ADAMTS5: variants seen among roughly 807,000 people sequenced by gnomAD.
ADAMTS5 encodes the protein A disintegrin and metalloproteinase with thrombospondin motifs 5.
ADAMTS5 carries 54 observed loss-of-function variants against 81.4 expected under a neutral mutation model. The observed-to-expected ratio is 0.66, with a 90% CI of 0.53 to 0.83. The LOEUF (loss-of-function observed/expected upper bound fraction) is 0.83, where lower values mean the gene tolerates loss of function less well. ADAMTS5 is among the 40% of genes least tolerant of loss of function. The pLI is 0.00. For synonymous variants in ADAMTS5, 532 were observed against 508.8 expected (o/e 1.05, Z -0.61); for missense variants, 1,194 against 1,229.9 (o/e 0.97, Z 0.44).
chr21:26,946,373 C>T (rs145223659), intron 2 of ADAMTS5, among the ~76,000 whole-genome samples: 15 of 152,184 alleles, frequency 9.9e-5, no homozygotes, highest in African/African-American at 2.6e-4. Context: ...GGAGTGCTCA[C>T]GGTAAAGACG....
At chr21:26,932,835 G>A (rs1030926542) in intron 5 of ADAMTS5, 26 bp downstream of exon 5, 2 of 1,582,250 alleles carry the variant, frequency 1.3e-6, no homozygotes, top group African/African-American at 2.7e-5. Flanking sequence ...GCATATGATG[G>A]TTGCTGACAC....
At chr21:26,929,121 C>T (rs1986859961) in intron 7 of ADAMTS5, among the ~76,000 whole-genome samples, 2 of 151,922 alleles carry the variant, frequency 1.3e-5, no homozygotes, top group South Asian at 4.2e-4. Context: ...TTAATAAATC[C>T]TATTGTTAAT....
At chr21:26,949,863 C>T (rs1601013438) in intron 2 of ADAMTS5, among the ~76,000 whole-genome samples, 1 of 152,198 alleles carries the variant, frequency 6.6e-6, no homozygotes, top group African/African-American at 2.4e-5. Context: ...TTACATCTTA[C>T]AACAAGCCTG....
chr21:26,944,782 T>C (rs1006480706), intron 2 of ADAMTS5, among the ~76,000 whole-genome samples: 1 of 152,134 alleles, frequency 6.6e-6, no homozygotes, highest in East Asian at 1.9e-4. Context: ...AGATGAAATC[T>C]TTCACTTTAT....
intron 7 of ADAMTS5, among the ~76,000 whole-genome samples, chr21:26,925,412 C>T (rs769536826): frequency 7.9e-5 from 12 of 151,886 alleles, no homozygotes; most frequent in African/African-American, 1.2e-4. Context: ...CCATAAGATA[C>T]GATAGATTGA....
chr21:26,961,160 A>G (rs374490011), intron 1 of ADAMTS5, among the ~76,000 whole-genome samples: 20 of 152,358 alleles, frequency 1.3e-4, no homozygotes, highest in African/African-American at 4.3e-4. Context: ...TCTGTCTGCC[A>G]TTTGTTAGCT....
intron 1 of ADAMTS5, among the ~76,000 whole-genome samples, chr21:26,956,220 G>A (rs1275070865): frequency 6.6e-6 from 1 of 152,152 alleles, no homozygotes; most frequent in Non-Finnish European, 1.5e-5. Flanking sequence ...TCCTACCAAG[G>A]TGAAGAGTAT....
intron 1 of ADAMTS5, among the ~76,000 whole-genome samples, chr21:26,963,015 C>T (rs1379817216): frequency 6.6e-6 from 1 of 152,110 alleles, no homozygotes; most frequent in Non-Finnish European, 1.5e-5. Flanking sequence ...TGAAAATACA[C>T]ATGCATTTCA....
intron 7 of ADAMTS5, among the ~76,000 whole-genome samples, chr21:26,927,033 T>A (rs567969916): frequency 6.6e-6 from 1 of 152,296 alleles, no homozygotes; most frequent in Non-Finnish European, 1.5e-5. Context: ...TCTCTTGATA[T>A]TCCTGATTCC....
intron 3 of ADAMTS5, among the ~76,000 whole-genome samples, chr21:26,942,485 A>G (rs927276833): frequency 6.6e-6 from 1 of 152,180 alleles, no homozygotes; most frequent in Admixed American, 6.6e-5. Flanking sequence ...AAAATAAATG[A>G]GAATATGTCC....
At chr21:26,948,064 A>G (rs541554566) in intron 2 of ADAMTS5, among the ~76,000 whole-genome samples, 1 of 152,320 alleles carries the variant, frequency 6.6e-6, no homozygotes, top group South Asian at 2.1e-4. Context: ...AATAAATGTT[A>G]TCTTTGATAT....
In ADAMTS5 at chr21:26,924,568, C is replaced by T. The variant is rs1024212471; in HGVS notation, c.2278G>A (p.Val760Ile). 6.2e-7 allele frequency: 1 copy of T among 1,613,886 alleles called. No homozygotes were observed. The highest frequency in any genetic ancestry group is 1.3e-5 in the African/African-American group (1 of 74,876). Residue 760 changes from valine to isoleucine, a missense_variant, in exon 8 of 8, where the codon GTT (valine) becomes ATT (isoleucine). This residue lies in a region of ADAMTS5 where 696 missense variants were observed against 817.6 expected (regional missense o/e 0.85). Coordinates refer to ENST00000284987, the MANE Select transcript of ADAMTS5 (RefSeq NM_007038.5). Reference sequence around the variant, plus strand: ...TGGTCTTTGGCTTTGAACTGTCGAACTTTTATGTGGGTTGCCCCTTCAGGA... The same window carrying T: ...TGGTCTTTGGCTTTGAACTGTCGAATTTTTATGTGGGTTGCCCCTTCAGGA... ...RIPEGATHIK[V>I]RQFKAKDQTR...
intron 1 of ADAMTS5, among the ~76,000 whole-genome samples, chr21:26,957,947 CA>C (rs1251759997): frequency 6.6e-6 from 1 of 152,136 alleles, no homozygotes; most frequent in African/African-American, 2.4e-5. Context: ...TAATAATACC[CA>C]AGATCTACTG....
intron 1 of ADAMTS5, among the ~76,000 whole-genome samples, chr21:26,957,841 G>A (rs1218848422): frequency 6.6e-6 from 1 of 152,186 alleles, no homozygotes; most frequent in Non-Finnish European, 1.5e-5. Context: ...GATTCGATAG[G>A]AAGGTCATTG....
intron 1 of ADAMTS5, among the ~76,000 whole-genome samples, chr21:26,959,765 C>T (rs550692485): frequency 6.6e-6 from 1 of 152,318 alleles, no homozygotes; most frequent in South Asian, 2.1e-4. Context: ...TCACCTGTCA[C>T]ATCTAATTAG....
intron 1 of ADAMTS5, among the ~76,000 whole-genome samples, chr21:26,957,490 C>T (rs923184648): frequency 6.6e-6 from 1 of 150,926 alleles, no homozygotes; most frequent in Non-Finnish European, 1.5e-5. Flanking sequence ...TAATCTAGAC[C>T]TGGAAGCAGG....
chr21:26,936,048 G>A (rs950367350), intron 3 of ADAMTS5, among the ~76,000 whole-genome samples: 5 of 152,152 alleles, frequency 3.3e-5, no homozygotes, highest in African/African-American at 9.7e-5. Context: ...GTTACCCAAG[G>A]TCACACAGCT....
chr21:26,932,104 A>G lies in ADAMTS5; in HGVS notation c.1949T>C (p.Val650Ala), dbSNP rs772907858. Reference sequence around the variant, plus strand: ...ACCTGCATATTTGGGAACCCATTCCACAAAAGTTTTGACTCCTTTTGCATC... The same window carrying G: ...ACCTGCATATTTGGGAACCCATTCCGCAAAAGTTTTGACTCCTTTTGCATC... Reference protein sequence around the residue: ...QSDAKGVKTFVEWVPKYAGVL... With the variant: ...QSDAKGVKTFAEWVPKYAGVL... Residue 650 changes from valine to alanine, a missense_variant, in exon 6 of 8, where the codon GTG becomes GCG. Around this residue, in one of 2 missense-constraint regions of ADAMTS5, gnomAD observed 696 missense variants for 817.6 expected, o/e 0.85. Coordinates refer to ENST00000284987, the MANE Select transcript of ADAMTS5 (RefSeq NM_007038.5). 9 of 1,614,110 alleles carry G rather than the reference A, an allele frequency of 5.6e-6. No homozygotes were observed. Among genetic ancestry groups the G allele is most frequent in the Non-Finnish European group, 8.5e-7 (1 of 1,180,046 alleles).
chr21:26,947,421 TTTTTTC>T (rs1229773316), intron 2 of ADAMTS5, among the ~76,000 whole-genome samples: 8 of 152,164 alleles, frequency 5.3e-5, no homozygotes, highest in African/African-American at 1.7e-4. Flanking sequence ...TTTATTTTCT[TTTTTTC>T]TTTTTCTTTT....
Sources: gnomAD v4.1 joint callset for allele counts (sites outside exome capture counted in the v4.1 genomes callset) on GRCh38, gnomAD v4.1.1 for gene constraint, gnomAD v4.1.1 regional missense constraint, MANE v1.5 for transcripts, NCBI Gene and HGNC (gene_info 2026-07-23, HGNC 2026-07-21) for gene names.